The following DOCK3 variants were observed in gnomAD, a reference collection of about 807,000 sequenced individuals.
DOCK3 encodes dedicator of cytokinesis 3, also known as dedicator of cytokinesis protein 3.
DOCK3 carries 60 observed loss-of-function variants against 265.6 expected under a neutral mutation model. The observed-to-expected ratio is 0.23, with a 90% confidence interval of 0.18 to 0.28. The LOEUF is 0.28. Ranked by LOEUF, DOCK3 falls within the 10% of genes least tolerant of loss-of-function variation. The pLI, the probability that DOCK3 is intolerant of heterozygous loss-of-function variation, is 1.00. For missense variants in DOCK3, 1,981 were observed against 2,594.3 expected (o/e 0.76, Z 5.14); for synonymous variants, 881 against 938.0 (o/e 0.94, Z 1.11).
At chr3:50,920,734 G>A (rs1490702687) in intron 4 of DOCK3, among the ~76,000 whole-genome samples, 3 of 152,082 alleles carry the variant, frequency 2.0e-5, no homozygotes, top group African/African-American at 4.8e-5. Flanking sequence ...AGGGTTTTTT[G>A]TGTGTCTATC....
chr3:51,372,358 G>T (rs865946405), intron 49 of DOCK3, among the ~76,000 whole-genome samples: 1 of 152,206 alleles, frequency 6.6e-6, no homozygotes, highest in Admixed American at 6.5e-5. Flanking sequence ...CAGAGGGCAG[G>T]GGGAGGGAAG....
chr3:51,314,161 T>C (rs1250496400), intron 31 of DOCK3, among the ~76,000 whole-genome samples: 4 of 152,144 alleles, frequency 2.6e-5, no homozygotes, highest in Admixed American at 1.3e-4. Context: ...TGTTTTACCA[T>C]TGCAAGGAAG....
intron 4 of DOCK3, among the ~76,000 whole-genome samples, chr3:50,912,809 A>C (rs1036602062): frequency 6.6e-6 from 1 of 151,982 alleles, no homozygotes; most frequent in African/African-American, 2.4e-5. Flanking sequence ...GTCAGCGTGC[A>C]GTGAATCTTG....
intron 4 of DOCK3, among the ~76,000 whole-genome samples, chr3:50,930,966 C>G (rs959568786): frequency 2.6e-5 from 4 of 152,112 alleles, no homozygotes; most frequent in Non-Finnish European, 5.9e-5. Context: ...GACTTGGGGA[C>G]AGGGTCTGGG....
chr3:50,833,508 C>T (rs371489337), intron 2 of DOCK3, among the ~76,000 whole-genome samples: 1 of 152,062 alleles, frequency 6.6e-6, no homozygotes, highest in African/African-American at 2.4e-5. Context: ...TTTTTAAAAG[C>T]CAAGCCCAGC....
chr3:51,115,491 G>A (rs936076243), intron 9 of DOCK3, among the ~76,000 whole-genome samples: 2 of 151,924 alleles, frequency 1.3e-5, no homozygotes, highest in Non-Finnish European at 2.9e-5. Context: ...TGATGGGGTT[G>A]TTTGTTTTTT....
intron 27 of DOCK3, among the ~76,000 whole-genome samples, chr3:51,304,260 A>G (rs954891646): frequency 6.6e-6 from 1 of 152,018 alleles, no homozygotes; most frequent in African/African-American, 2.4e-5. Context: ...CCAGCAGGGG[A>G]AAAACTGAAG....
intron 23 of DOCK3, among the ~76,000 whole-genome samples, chr3:51,265,258 A>C (rs1322824903): frequency 6.6e-6 from 1 of 152,232 alleles, no homozygotes; most frequent in Non-Finnish European, 1.5e-5. Flanking sequence ...TCACAGCCAA[A>C]TTCTACCAGA....
intron 1 of DOCK3, among the ~76,000 whole-genome samples, chr3:50,729,824 A>ATTT (rs60842906): frequency 1.9e-4 from 21 of 109,050 alleles, no homozygotes; most frequent in Non-Finnish European, 2.5e-4. Context: ...TCTGAATTTC[A>ATTT]TTTTTTTTTT....
At chr3:50,966,358 CTGTTT>C (rs1399792941) in intron 5 of DOCK3, among the ~76,000 whole-genome samples, 1 of 151,782 alleles carries the variant, frequency 6.6e-6, no homozygotes, top group Non-Finnish European at 1.5e-5. Flanking sequence ...TATGATAGTT[CTGTTT>C]TAATTTTTTT....
At chr3:50,889,094 TG>T (rs2048509182) in intron 3 of DOCK3, among the ~76,000 whole-genome samples, 1 of 151,176 alleles carries the variant, frequency 6.6e-6, no homozygotes, top group African/African-American at 2.4e-5. Flanking sequence ...TGTGTGTGTG[TG>T]TGTGTGTGTG....
chr3:50,884,028 A>T (rs2048198797), intron 3 of DOCK3, among the ~76,000 whole-genome samples: 1 of 151,376 alleles, frequency 6.6e-6, no homozygotes, highest in African/African-American at 2.4e-5. Flanking sequence ...ATGTTTTCTG[A>T]GTTCATTCAT....
chr3:50,686,072 T>A (rs1009180792), intron 1 of DOCK3, among the ~76,000 whole-genome samples: 5 of 152,166 alleles, frequency 3.3e-5, no homozygotes, highest in Non-Finnish European at 7.3e-5. Flanking sequence ...ACTTTATTTC[T>A]ATTTTTATTA....
intron 14 of DOCK3, among the ~76,000 whole-genome samples, chr3:51,219,190 T>G (rs1193310690): frequency 6.6e-6 from 1 of 152,226 alleles, no homozygotes; most frequent in Non-Finnish European, 1.5e-5. Context: ...AAGTGATGTT[T>G]CTTTCTTTTC....
At position 51,374,431 on chromosome 3, in the gene DOCK3, C is replaced by T. The variant is rs1182994766; in HGVS notation, c.5294-38C>T. ...TGACTGCTGGACCCTCCATCTGTGG[C>T]TTGTCATCTGTGCTTGATTGTTCTC... is the stretch of plus-strand genomic sequence containing the variant. On this transcript the variant is annotated intron_variant, in intron 49 of 52. Coordinates refer to ENST00000266037, the MANE Select transcript of DOCK3 (RefSeq NM_004947.5). This position sits in a 1 kb window ranked among gnomAD's most constrained non-coding sequence, Gnocchi z 4.8. The T allele has an allele frequency of 2.5e-6, 4 of 1,582,390 alleles. No individual in the cohort carries two copies. Among genetic ancestry groups the T allele is most frequent in the African/African-American group, 1.4e-5 (1 of 74,016 alleles).
At chr3:51,052,549 G>A (rs7629420) in intron 5 of DOCK3, among the ~76,000 whole-genome samples, 127,891 of 152,138 alleles carry the variant, frequency 0.84, 54,202 homozygotes, top group East Asian at 0.95. Context: ...AGGAGTTAAC[G>A]CAACATAATG....
At chr3:50,988,822 C>T (rs1005851753) in intron 5 of DOCK3, among the ~76,000 whole-genome samples, 4 of 152,114 alleles carry the variant, frequency 2.6e-5, no homozygotes, top group Non-Finnish European at 4.4e-5. Context: ...CCCATATATC[C>T]TCACTGGGCA....
At chr3:50,677,911 T>C (rs1872185) in intron 1 of DOCK3, among the ~76,000 whole-genome samples, 151,863 of 152,278 alleles carry the variant, frequency 1, 75,730 homozygotes, top group Middle Eastern at 1. Flanking sequence ...CTGTGAGTGA[T>C]TTTAGGCAGT....
At chr3:51,307,882 T>G (rs1288123727) in intron 27 of DOCK3, among the ~76,000 whole-genome samples, 1 of 148,182 alleles carries the variant, frequency 6.7e-6, no homozygotes. Flanking sequence ...TATATGGGTT[T>G]TTTTTTTTGT....
Sources: gnomAD v4.1 joint callset for allele counts (sites outside exome capture counted in the v4.1 genomes callset) on GRCh38, gnomAD v4.1.1 for gene constraint, Gnocchi (gnomAD v3.1) non-coding constraint, MANE v1.5 for transcripts, NCBI Gene and HGNC (gene_info 2026-07-23, HGNC 2026-07-21) for gene names.